The following CACNB4 variants were observed in gnomAD, a reference collection of about 807,000 sequenced individuals.
The protein encoded by CACNB4 is voltage-dependent L-type calcium channel subunit beta-4.
In CACNB4, 32 loss-of-function variants were observed where a neutral mutation model predicts 71.2. That is an observed-to-expected ratio of 0.45 (90% confidence interval 0.34 to 0.60). The LOEUF is 0.60. Ranked by LOEUF, CACNB4 falls within the 20% of genes least tolerant of loss-of-function variation. The pLI is 0.01. For missense variants in CACNB4, 464 were observed against 647.9 expected, an observed-to-expected ratio of 0.72 and a Z score of 3.08; for synonymous variants, 231 against 236.9, an observed-to-expected ratio of 0.97 and a Z score of 0.23.
At position 151,913,520 on chromosome 2, in the gene CACNB4, C is replaced by T. The variant is rs528513151; in HGVS notation, c.148-30150G>A. Among the ~76,000 whole-genome samples the T allele has an allele frequency of 2.0e-5, 3 of 152,090 alleles. No individual in the cohort carries two copies. The South Asian group carries it at 6.2e-4, about 32-fold the overall frequency. On this transcript the variant is annotated intron_variant, in intron 2 of 13. Coordinates refer to ENST00000539935, the MANE Select transcript of CACNB4 (RefSeq NM_000726.5). ...GTGGCTCACGCCTGTAATCCCAGGA[C>T]TTTGGGAGGCAGAGGAGGGTGGATC...
chr2:152,007,100 G>A (rs1474279210), intron 2 of CACNB4, among the ~76,000 whole-genome samples: 3 of 152,152 alleles, frequency 2.0e-5, no homozygotes, highest in African/African-American at 7.2e-5. Flanking sequence ...CTGTCAATAA[G>A]GCCTTACTGT....
At chr2:152,025,157 C>G (rs762392552) in intron 2 of CACNB4, among the ~76,000 whole-genome samples, 16 of 152,354 alleles carry the variant, frequency 1.1e-4, no homozygotes, top group Non-Finnish European at 1.6e-4. Context: ...TTTGCAAATA[C>G]TAGCTTATCT....
chr2:151,869,311 G>A, intron 8 of CACNB4, 76 bp from the exon 9 acceptor site: 4 of 849,622 alleles, frequency 4.7e-6, no homozygotes, highest in Non-Finnish European at 7.8e-6. Context: ...GGAGAGAGGA[G>A]GGAGGGAAGG....
At chr2:151,906,604 T>C (rs1182636071) in intron 2 of CACNB4, among the ~76,000 whole-genome samples, 1 of 152,224 alleles carries the variant, frequency 6.6e-6, no homozygotes, top group African/African-American at 2.4e-5. Context: ...GATGAAACTC[T>C]CTGGTCTTTA....
intron 2 of CACNB4, among the ~76,000 whole-genome samples, chr2:152,027,870 A>T (rs1684064380): frequency 6.8e-6 from 1 of 148,012 alleles, no homozygotes; most frequent in African/African-American, 2.6e-5. Flanking sequence ...AAAAAAAAAA[A>T]AAAAAAGCCA....
intron 2 of CACNB4, among the ~76,000 whole-genome samples, chr2:152,035,651 C>CTCTCTCTCTCTATATATATATA (rs796161186): frequency 1.7e-5 from 2 of 118,040 alleles, no homozygotes; most frequent in African/African-American, 7.3e-5. Flanking sequence ...CTCTCTCTCT[C>CTCTCTCTCTCTATATATATATA]TATATATATA....
chr2:152,098,285 C>A lies in CACNB4; in HGVS notation c.147+45G>T, dbSNP rs777773586. On this transcript the variant is annotated intron_variant, in intron 2 of 13. Coordinates refer to ENST00000539935, the MANE Select transcript of CACNB4 (RefSeq NM_000726.5). This position sits in a 1 kb window ranked among gnomAD's most constrained non-coding sequence, Gnocchi z 5.3. Reference sequence around the variant, plus strand: ...CCGGCTCCAGGACCCCCGCGCCGCGCGCTCGGCCTCCTCCCCATCCTGGTC... The same window carrying A: ...CCGGCTCCAGGACCCCCGCGCCGCGAGCTCGGCCTCCTCCCCATCCTGGTC... 1.3e-6 allele frequency: 2 copies of A among 1,504,542 alleles called. No homozygotes were observed. Among genetic ancestry groups the A allele is most frequent in the Non-Finnish European group, 1.8e-6 (2 of 1,081,154 alleles). The allele number at this position is 1,504,542 out of a possible 1,614,324, so 93.2% of individuals were successfully genotyped here. A position where few individuals can be genotyped will look rare whatever the true frequency, so the allele number is the denominator to read the frequency against.
intron 12 of CACNB4, 103 bp downstream of exon 12, chr2:151,853,345 T>C: frequency 1.5e-6 from 1 of 660,324 alleles, no homozygotes; most frequent in Non-Finnish European, 2.6e-6. Context: ...CAACATACCA[T>C]CATCACCATC....
chr2:152,069,784 G>A (rs569790348), intron 2 of CACNB4, among the ~76,000 whole-genome samples: 2 of 147,086 alleles, frequency 1.4e-5, no homozygotes, highest in East Asian at 4.1e-4. Flanking sequence ...CTATTGGACA[G>A]AAAATATTCT....
chr2:151,918,844 T>C (rs2099858207), intron 2 of CACNB4, among the ~76,000 whole-genome samples: 1 of 152,234 alleles, frequency 6.6e-6, no homozygotes, highest in Non-Finnish European at 1.5e-5. Context: ...GCAAATATCA[T>C]GTTCACCATA....
chr2:151,932,825 A>T (rs924031396), intron 2 of CACNB4, among the ~76,000 whole-genome samples: 4 of 105,256 alleles, frequency 3.8e-5, no homozygotes, highest in Non-Finnish European at 6.9e-5. Context: ...GACTGGATCT[A>T]AAAAAAAAAA....
intron 2 of CACNB4, among the ~76,000 whole-genome samples, chr2:151,924,886 C>T (rs1419701336): frequency 6.6e-6 from 1 of 152,144 alleles, no homozygotes; most frequent in Non-Finnish European, 1.5e-5. Flanking sequence ...CACATTGTGA[C>T]AATGATTCTA....
chr2:151,958,292 T>C (rs1013185569), intron 2 of CACNB4, among the ~76,000 whole-genome samples: 6 of 152,194 alleles, frequency 3.9e-5, no homozygotes, highest in Non-Finnish European at 7.4e-5. Flanking sequence ...TATATGAGGA[T>C]AGGTACAGGC....
Position 152,098,500 on chromosome 2 carries a change from C to G in CACNB4, c.64-87G>C, listed in dbSNP as rs759508717. On this transcript the variant is annotated intron_variant, in intron 1 of 13. Transcript: ENST00000539935. This position sits in a 1 kb window ranked among gnomAD's most constrained non-coding sequence, Gnocchi z 5.3. ...ACCACCCCCGGCTGGAGTCCGCCTC[C>G]GGACCCGCTCCCTGGGGTCCCCTAG... 5 of 1,395,758 alleles carry G rather than the reference C, an allele frequency of 3.6e-6. No individual in the cohort carries two copies. Among genetic ancestry groups the G allele is most frequent in the African/African-American group, 1.4e-5 (1 of 70,604 alleles). 86.5% of individuals were successfully genotyped at this position (1,395,758 alleles called of 1,614,324 possible).
intron 2 of CACNB4, among the ~76,000 whole-genome samples, chr2:152,051,744 T>C (rs1341843809): frequency 6.6e-6 from 1 of 152,186 alleles, no homozygotes; most frequent in Non-Finnish European, 1.5e-5. Flanking sequence ...CACCCATCTA[T>C]GGTAATTTGT....
chr2:152,038,598 C>T (rs1000662542), intron 2 of CACNB4, among the ~76,000 whole-genome samples: 1 of 152,212 alleles, frequency 6.6e-6, no homozygotes, highest in Non-Finnish European at 1.5e-5. Flanking sequence ...AGCCTGCTGG[C>T]TCGTATAACA....
At chr2:151,902,161 A>C (rs1258284099) in intron 2 of CACNB4, among the ~76,000 whole-genome samples, 1 of 151,534 alleles carries the variant, frequency 6.6e-6, no homozygotes, top group Non-Finnish European at 1.5e-5. Context: ...AAACTTTTCA[A>C]GCTGGGATCA....
At chr2:151,870,480 G>T (rs1342439272) in intron 8 of CACNB4, 51 bp downstream of exon 8, 1 of 1,456,416 alleles carries the variant, frequency 6.9e-7, no homozygotes, top group African/African-American at 1.4e-5. Context: ...CAACATGACT[G>T]TCTCCTGGGT....
intron 2 of CACNB4, among the ~76,000 whole-genome samples, chr2:151,997,723 C>A (rs1006620567): frequency 6.6e-6 from 1 of 152,172 alleles, no homozygotes; most frequent in Non-Finnish European, 1.5e-5. Context: ...ACCCTGCTGA[C>A]ACCTTGATTT....
Sources: allele counts gnomAD v4.1 joint callset (sites outside exome capture counted in the v4.1 genomes callset), GRCh38; gene constraint gnomAD v4.1.1; non-coding constraint Gnocchi (gnomAD v3.1); transcripts MANE v1.5; gene names NCBI Gene and HGNC (gene_info 2026-07-23, HGNC 2026-07-21).